Variants in PCGF3 observed in about 807,000 individuals in gnomAD.
The protein encoded by PCGF3 is polycomb group ring finger 3, also known as polycomb group RING finger protein 3.
PCGF3 carries 7 observed loss-of-function variants against 33.1 expected under a neutral mutation model. The ratio of observed to expected loss-of-function variants is 0.21; its 90% CI spans 0.12 to 0.40. The LOEUF (loss-of-function observed/expected upper bound fraction) is 0.40. Among genes scored for constraint, PCGF3 ranks in the 10% least tolerant of loss-of-function variants. The pLI is 1.00. For missense variants in PCGF3, 211 were observed against 313.3 expected (o/e 0.67, Z 2.46); for synonymous variants, 153 against 121.3 (o/e 1.26, Z -1.72).
chr4:709,357 A>C (rs972083255), intron 1 of PCGF3, among the ~76,000 whole-genome samples: 3 of 151,836 alleles, frequency 2.0e-5, no homozygotes, highest in East Asian at 1.9e-4. Context: ...TGCATGAACA[A>C]ATGAATGAAA....
rs919141162 is a variant in PCGF3 at position 708,925 on chromosome 4, C to T, written c.-190+2955C>T. Among the ~76,000 whole-genome samples the T allele has an allele frequency of 1.1e-4, 16 of 152,314 alleles. No individual in the cohort carries two copies. In the East Asian group the frequency reaches 1.2e-3, roughly 11 times the overall value. ...GGAATTAAAGGATCCTGGTGGTGAT[C>T]GGGCTGGGGACGGGGGTTGGTTTAT... On this transcript the variant is annotated intron_variant, in intron 1 of 10. Transcript: ENST00000362003.
At chr4:764,721 C>T (rs1444161121) in intron 9 of PCGF3, 8 of 382,922 alleles carry the variant, frequency 2.1e-5, no homozygotes, top group Non-Finnish European at 3.8e-5. Context: ...GAAACGTCAT[C>T]CCCCTAACTG....
At chr4:733,853 C>G (rs765509028) in intron 4 of PCGF3, 64 bp downstream of exon 4, 42 of 1,612,508 alleles carry the variant, frequency 2.6e-5, no homozygotes, top group Non-Finnish European at 3.4e-5. Flanking sequence ...CTCTTCAGAA[C>G]CTTGGCTTTT....
chr4:750,129 T>C (rs1744448512), intron 8 of PCGF3, among the ~76,000 whole-genome samples: 1 of 152,270 alleles, frequency 6.6e-6, no homozygotes, highest in Non-Finnish European at 1.5e-5. Flanking sequence ...CATTTCCGGC[T>C]GTGTTTCCTG....
rs184367821 is a variant in PCGF3 at position 759,987 on chromosome 4, G to A, written c.463-1292G>A. Among the ~76,000 whole-genome samples the A allele has an allele frequency of 5.3e-4, 81 of 152,112 alleles. 2 individuals carry two copies. The highest frequency in any genetic ancestry group is 1.7e-3 in the African/African-American group (72 of 41,504). ...TCCCGAGTTCTCTCTCCAGACTCCC[G>A]GATCTTCTTCCCGCTCACATTGTCC... On this transcript the variant is annotated intron_variant, in intron 8 of 10. Transcript: ENST00000362003.
chr4:729,900 A>C (rs1190865520), intron 1 of PCGF3, among the ~76,000 whole-genome samples: 2 of 152,100 alleles, frequency 1.3e-5, no homozygotes, highest in Non-Finnish European at 2.9e-5. Context: ...CTGTTTCCCC[A>C]ACTCACACAG....
intron 1 of PCGF3, among the ~76,000 whole-genome samples, chr4:715,588 GA>G (rs1742790678): frequency 8.4e-6 from 1 of 119,668 alleles, no homozygotes. Flanking sequence ...TGGACACTGT[GA>G]GTGTGAGAAC....
At chr4:760,253 C>T (rs1183583983) in intron 8 of PCGF3, among the ~76,000 whole-genome samples, 1 of 152,172 alleles carries the variant, frequency 6.6e-6, no homozygotes, top group South Asian at 2.1e-4. Context: ...TTTCTTAACA[C>T]TTCCTTTCCT....
intron 1 of PCGF3, among the ~76,000 whole-genome samples, chr4:710,980 C>A (rs184224000): frequency 5.9e-5 from 9 of 152,370 alleles, no homozygotes; most frequent in African/African-American, 1.7e-4. Flanking sequence ...TTTGTGACTT[C>A]ATAAAAATGC....
rs182626975 is a variant in PCGF3 at position 721,437 on chromosome 4, G to A, written c.-189-9193G>A. On this transcript the variant is annotated intron_variant, in intron 1 of 10. Coordinates refer to ENST00000362003, the Ensembl canonical transcript of PCGF3. This position sits in a 1 kb window ranked among gnomAD's most constrained non-coding sequence, Gnocchi z 4.1. The stretch of plus-strand genomic sequence containing the variant: ...GAGCTCCCCAGAGGAAGGCTGGGCT[G>A]GGCAGTCAGCCAGACGGGAAAGGGG... Among the ~76,000 whole-genome samples the A allele has an allele frequency of 1.3e-3, 198 of 152,310 alleles. 3 individuals carry two copies. The highest frequency in any genetic ancestry group is 4.6e-3 in the African/African-American group (192 of 41,572).
chr4:730,953 T>C lies in PCGF3; in HGVS notation c.-150-17T>C. 5.0e-6 allele frequency: 2 copies of C among 398,298 alleles called. No individual in the cohort carries two copies. Among genetic ancestry groups the C allele is most frequent in the Non-Finnish European group, 8.9e-6 (2 of 225,828 alleles). The allele number at this position is 398,298 out of a possible 1,614,324, so 24.7% of individuals were successfully genotyped here. A position where few individuals can be genotyped will look rare whatever the true frequency, so the allele number is the denominator to read the frequency against. Reference sequence around the variant, plus strand: ...CCATGACGCGAAGTGAACTAACAGGTGCCGTTTCTGTGCTAGAAAATGGAA... The same window carrying C: ...CCATGACGCGAAGTGAACTAACAGGCGCCGTTTCTGTGCTAGAAAATGGAA... On this transcript the variant is annotated splice_polypyrimidine_tract_variant and intron_variant, in intron 2 of 10. Coordinates refer to ENST00000362003, the Ensembl canonical transcript of PCGF3.
intron 8 of PCGF3, among the ~76,000 whole-genome samples, chr4:749,538 G>A (rs1336147026): frequency 1.4e-5 from 2 of 139,788 alleles, no homozygotes; most frequent in African/African-American, 2.7e-5. Context: ...GGAGTGTGGA[G>A]TGCAGTGGCA....
chr4:722,247 C>T (rs969835038), intron 1 of PCGF3: 5 of 164,382 alleles, frequency 3.0e-5, no homozygotes, highest in Middle Eastern at 2.6e-3. Context: ...ATACTGAATA[C>T]GTGTGTATGT....
intron 1 of PCGF3, among the ~76,000 whole-genome samples, chr4:722,610 C>T (rs377210969): frequency 2.1e-5 from 3 of 140,196 alleles, no homozygotes; most frequent in Non-Finnish European, 4.6e-5. Context: ...CCGTCCGCGC[C>T]GGGTCCACAC....
intron 1 of PCGF3, among the ~76,000 whole-genome samples, chr4:722,012 C>T (rs189659751): frequency 1.3e-5 from 2 of 151,992 alleles, no homozygotes; most frequent in African/African-American, 2.4e-5. Flanking sequence ...TGGAGAGGCC[C>T]GTGGCAGCTC....
At chr4:714,272 C>T (rs974205757) in intron 1 of PCGF3, among the ~76,000 whole-genome samples, 3 of 152,212 alleles carry the variant, frequency 2.0e-5, no homozygotes, top group Non-Finnish European at 2.9e-5. Context: ...CGGTCGCAGC[C>T]GCCTGAACAG....
intron 3 of PCGF3, among the ~76,000 whole-genome samples, chr4:732,756 C>T (rs968395001): frequency 3.3e-5 from 5 of 152,226 alleles, no homozygotes; most frequent in African/African-American, 7.2e-5. Context: ...GAGGGAAACT[C>T]GTGCCTGCTG....
intron 1 of PCGF3, among the ~76,000 whole-genome samples, chr4:717,708 C>T (rs1289211858): frequency 6.6e-6 from 1 of 152,234 alleles, no homozygotes; most frequent in Non-Finnish European, 1.5e-5. Context: ...AAGGTAGTCT[C>T]TGCAGCATAC....
rs1743770851 is a variant in PCGF3, at chr4:735,083, CTG to C, written c.206+63_206+64del. The stretch of plus-strand genomic sequence containing the variant: ...GTGGGGTGAGTGCCCCTGGGCGTCT[CTG>C]TGTGTGGGCCTTCCCAGGCCATTAG... On this transcript the variant is annotated intron_variant, in intron 5 of 10. Transcript: ENST00000362003. The C allele has an allele frequency of 1.9e-6, 3 of 1,563,490 alleles. No homozygotes were observed. In the South Asian group the frequency reaches 3.5e-5, roughly 18 times the overall value.
Sources: allele counts gnomAD v4.1 joint callset (sites outside exome capture counted in the v4.1 genomes callset), GRCh38; gene constraint gnomAD v4.1.1; non-coding constraint Gnocchi (gnomAD v3.1); transcripts MANE v1.5; gene names NCBI Gene and HGNC (gene_info 2026-07-23, HGNC 2026-07-21).